Variants in GLRA3 observed in about 807,000 individuals in gnomAD.
The protein encoded by GLRA3 is glycine receptor subunit alpha-3.
A neutral mutation model predicts 60.4 loss-of-function variants in GLRA3; 44 were observed. The observed-to-expected ratio is 0.73, with a 90% CI of 0.57 to 0.94. The LOEUF is 0.94. Ranked by LOEUF, GLRA3 falls within the 40% of genes least tolerant of loss-of-function variation. The pLI is 0.00. For synonymous variants in GLRA3, 223 were observed against 192.9 expected (o/e 1.16, Z -1.29); for missense variants, 508 against 564.6 (o/e 0.90, Z 1.02).
intron 1 of GLRA3, among the ~76,000 whole-genome samples, chr4:174,820,656 A>T (rs1740708915): frequency 6.6e-6 from 1 of 152,044 alleles, no homozygotes; most frequent in African/African-American, 2.4e-5. Context: ...TGGGATTCAC[A>T]TTTTTTTCCC....
intron 3 of GLRA3, among the ~76,000 whole-genome samples, chr4:174,732,287 G>A (rs1456684572): frequency 4.0e-5 from 6 of 151,656 alleles, no homozygotes; most frequent in Non-Finnish European, 5.9e-5. Context: ...CCCAGGAGGC[G>A]GAGCTTGCAG....
At chr4:174,741,601 A>T (rs1249516185) in intron 3 of GLRA3, among the ~76,000 whole-genome samples, 1 of 151,254 alleles carries the variant, frequency 6.6e-6, no homozygotes, top group African/African-American at 2.4e-5. Flanking sequence ...AGATCCCTTT[A>T]TCCATTATTT....
At chr4:174,660,296 G>A (rs1733386290) in intron 7 of GLRA3, among the ~76,000 whole-genome samples, 1 of 152,080 alleles carries the variant, frequency 6.6e-6, no homozygotes, top group South Asian at 2.1e-4. Context: ...ATGATCATGT[G>A]CTGCATTTTG....
At chr4:174,822,373 C>T (rs1397884196) in intron 1 of GLRA3, among the ~76,000 whole-genome samples, 1 of 152,010 alleles carries the variant, frequency 6.6e-6, no homozygotes, top group Non-Finnish European at 1.5e-5. Context: ...GGAAGGTCAT[C>T]ATAAGTGGAG....
intron 3 of GLRA3, among the ~76,000 whole-genome samples, chr4:174,749,782 T>C (rs1457319425): frequency 6.6e-6 from 1 of 152,126 alleles, no homozygotes; most frequent in African/African-American, 2.4e-5. Context: ...ATGAAGATGG[T>C]AGGGCTGAAA....
At chr4:174,733,580 G>A (rs887701742) in intron 3 of GLRA3, among the ~76,000 whole-genome samples, 3 of 152,086 alleles carry the variant, frequency 2.0e-5, no homozygotes, top group African/African-American at 7.2e-5. Context: ...TCATCTCAGG[G>A]CTAGGTACCA....
Position 174,785,852 on chromosome 4 carries a change from C to T in GLRA3, c.199+2964G>A, listed in dbSNP as rs1311004974. On this transcript the variant is annotated intron_variant, in intron 2 of 9. Transcript: ENST00000274093. ...TGGCACAACCATAGCTCACTGTAAC[C>T]TCAAACAACTGGGCTCAAGTAATCC... 2.0e-5 allele frequency among the ~76,000 whole-genome samples: 3 copies of T among 151,928 alleles called. No individual in the cohort carries two copies. The South Asian group carries it at 6.2e-4, about 32-fold the overall frequency.
rs1462366560 is a variant in GLRA3 at position 174,748,356 on chromosome 4, T to G, written c.267+18607A>C. ...ATAGCAATTTTAGTGAAGCGATTGGTGAAAAACCAGGAATTGAGGAATAGC... is the reference window on the plus strand; with the variant it reads ...ATAGCAATTTTAGTGAAGCGATTGGGGAAAAACCAGGAATTGAGGAATAGC... On this transcript the variant is annotated intron_variant, in intron 3 of 9. Coordinates refer to ENST00000274093, the MANE Select transcript of GLRA3 (RefSeq NM_006529.4). Among the ~76,000 whole-genome samples, 3 of 152,116 alleles carry G rather than the reference T, an allele frequency of 2.0e-5. No homozygotes were observed. In the East Asian group the frequency reaches 5.8e-4, roughly 29 times the overall value.
In GLRA3 at chr4:174,642,128, T is replaced by C. The variant is rs1331376312; in HGVS notation, c.*1658A>G. On this transcript the variant is annotated 3_prime_UTR_variant, in exon 10 of 10. Transcript: ENST00000274093. ...AAAGGAGGGGAACTTGGTCTTTTAC[T>C]AGCAAAAACTGCTTAACATTTACTA... 1 of 882,376 alleles carries C rather than the reference T, an allele frequency of 1.1e-6. No individual in the cohort carries two copies. The highest frequency in any genetic ancestry group is 1.8e-5 in the African/African-American group (1 of 55,342). 54.7% of individuals were successfully genotyped at this position (882,376 alleles called of 1,614,324 possible). A position where few individuals can be genotyped will look rare whatever the true frequency, so the allele number is the denominator to read the frequency against.
At chr4:174,692,601 A>G (rs1195532782) in intron 5 of GLRA3, among the ~76,000 whole-genome samples, 1 of 150,792 alleles carries the variant, frequency 6.6e-6, no homozygotes, top group Non-Finnish European at 1.5e-5. Flanking sequence ...ACTAAGAAAA[A>G]TTCTTCTGCC....
At chr4:174,655,317 A>G (rs1455261698) in intron 9 of GLRA3, among the ~76,000 whole-genome samples, 1 of 152,186 alleles carries the variant, frequency 6.6e-6, no homozygotes, top group African/African-American at 2.4e-5. Flanking sequence ...AACAAGTCAA[A>G]GAAAACAACC....
chr4:174,656,593 C>T, intron 9 of GLRA3, 150 bp downstream of exon 9: 2 of 472,022 alleles, frequency 4.2e-6, no homozygotes, highest in Non-Finnish European at 7.8e-6. Flanking sequence ...AAATACCCTT[C>T]TTAGCTGAAG....
intron 1 of GLRA3, among the ~76,000 whole-genome samples, chr4:174,819,891 T>C (rs548364065): frequency 7.2e-5 from 11 of 152,202 alleles, no homozygotes; most frequent in Non-Finnish European, 1.3e-4. Context: ...TTTAGCATTG[T>C]CATTTAGTTA....
At chr4:174,805,593 T>G (rs529825932) in intron 1 of GLRA3, among the ~76,000 whole-genome samples, 16 of 152,224 alleles carry the variant, frequency 1.1e-4, no homozygotes, top group African/African-American at 3.6e-4. Flanking sequence ...TCATGAAAGA[T>G]TCAGAGCTAG....
chr4:174,732,231 T>C (rs1387406917), intron 3 of GLRA3, among the ~76,000 whole-genome samples: 1 of 152,068 alleles, frequency 6.6e-6, no homozygotes, highest in African/African-American at 2.4e-5. Context: ...GGCGTGCGCC[T>C]GTAGTCCCAG....
At chr4:174,649,919 A>C (rs1303619237) in intron 9 of GLRA3, among the ~76,000 whole-genome samples, 2 of 152,130 alleles carry the variant, frequency 1.3e-5, no homozygotes, top group Non-Finnish European at 2.9e-5. Context: ...AGGAGCCTAA[A>C]TTCTCCAGTA....
intron 5 of GLRA3, among the ~76,000 whole-genome samples, chr4:174,684,135 A>G (rs531156720): frequency 8.5e-5 from 13 of 152,056 alleles, no homozygotes; most frequent in Non-Finnish European, 1.5e-4. Context: ...TTATTATAGA[A>G]CTCATGTATT....
At chr4:174,827,109 A>G (rs141578433) in intron 1 of GLRA3, among the ~76,000 whole-genome samples, 31 of 152,080 alleles carry the variant, frequency 2.0e-4, no homozygotes, top group African/African-American at 6.7e-4. Context: ...TCAAAGAAGT[A>G]CATTTTTGGG....
chr4:174,644,682 G>A (rs1732750623), intron 9 of GLRA3, among the ~76,000 whole-genome samples: 1 of 152,028 alleles, frequency 6.6e-6, no homozygotes, highest in Non-Finnish European at 1.5e-5. Context: ...TATGTTCCAG[G>A]CACATTGGTT....
Sources: gnomAD v4.1 joint callset for allele counts (sites outside exome capture counted in the v4.1 genomes callset) on GRCh38, gnomAD v4.1.1 for gene constraint, MANE v1.5 for transcripts, NCBI Gene and HGNC (gene_info 2026-07-23, HGNC 2026-07-21) for gene names.